The following INTS6L variants were observed in gnomAD, a reference collection of about 807,000 sequenced individuals.
The protein encoded by INTS6L is integrator complex subunit 6 like.
A neutral mutation model predicts 64.7 loss-of-function variants in INTS6L; 18 were observed. The observed-to-expected ratio is 0.28, with a 90% CI of 0.19 to 0.41. The LOEUF is 0.41. Ranked by LOEUF, INTS6L falls within the 10% of genes least tolerant of loss-of-function variation. INTS6L has a pLI of 1.00. For synonymous variants in INTS6L, 227 were observed against 235.9 expected (o/e 0.96, Z 0.34); for missense variants, 533 against 661.0 (o/e 0.81, Z 2.12).
At chrX:135,551,391 C>G (rs1029876484) in intron 7 of INTS6L, among the ~76,000 whole-genome samples, 1 of 112,322 alleles carries the variant, frequency 8.9e-6, no homozygotes, top group Non-Finnish European at 1.9e-5. Context: ...CAAAGCATCC[C>G]CAGCTCCAGC....
chrX:135,550,249 A>G (rs1011971400), intron 7 of INTS6L, among the ~76,000 whole-genome samples: 2 of 112,070 alleles, frequency 1.8e-5, no homozygotes, highest in Non-Finnish European at 3.8e-5. Flanking sequence ...TCAAAATTCT[A>G]CTTCTTCCTA....
chrX:135,577,121 AAG>A, intron 14 of INTS6L, 70 bp from the exon 15 acceptor site: 1 of 978,342 alleles, frequency 1.0e-6, no homozygotes, highest in Non-Finnish European at 1.4e-6. Context: ...TATGCATATT[AAG>A]AGTGCTTGCA....
At chrX:135,556,366 C>A in intron 9 of INTS6L, 66 bp downstream of exon 9, 3 of 951,674 alleles carry the variant, frequency 3.2e-6, no homozygotes, top group Non-Finnish European at 4.1e-6. Context: ...CGATAATAGA[C>A]TAAGCATTTT....
In INTS6L at chrX:135,579,794, C is replaced by CT. The variant is rs1309535845; in HGVS notation, c.2127dup (p.Ile710TyrfsTer7). The CT allele has an allele frequency of 8.5e-7, 1 of 1,180,071 alleles. No individual in the cohort carries two copies. The highest frequency in any genetic ancestry group is 1.1e-6 in the Non-Finnish European group (1 of 879,060). On this transcript the variant is annotated frameshift_variant, in exon 16 of 18. Coordinates refer to ENST00000639893, the MANE Select transcript of INTS6L (RefSeq NM_001351601.3). LOFTEE classifies it high-confidence loss of function. ...CTCTTCATTTGGTTTCCAGATGCTA[C>CT]TATCATTCACGATGGCCATGAGGAG...
intron 2 of INTS6L, among the ~76,000 whole-genome samples, chrX:135,536,241 T>C (rs2086048227): frequency 8.9e-6 from 1 of 112,252 alleles, no homozygotes; most frequent in South Asian, 3.7e-4. Context: ...TTTGGAAAGA[T>C]TCATTGCCAG....
At chrX:135,557,007 T>C (rs1236021983) in intron 9 of INTS6L, among the ~76,000 whole-genome samples, 2 of 112,157 alleles carry the variant, frequency 1.8e-5, no homozygotes, top group African/African-American at 3.2e-5. Context: ...TATGAGACTT[T>C]TAGTGCTATA....
intron 2 of INTS6L, among the ~76,000 whole-genome samples, chrX:135,529,271 A>T (rs2085838532): frequency 8.9e-6 from 1 of 112,154 alleles, no homozygotes; most frequent in Non-Finnish European, 1.9e-5. Context: ...GAAGTGTAGG[A>T]TAAAGGAGAA....
At chrX:135,543,573 A>C (rs1454903405) in intron 2 of INTS6L, among the ~76,000 whole-genome samples, 1 of 111,565 alleles carries the variant, frequency 9.0e-6, no homozygotes, top group Admixed American at 9.5e-5. Flanking sequence ...GAACCCCTCA[A>C]GAGCTAATTC....
At chrX:135,559,953 G>T (rs2086738891) in intron 9 of INTS6L, among the ~76,000 whole-genome samples, 1 of 111,964 alleles carries the variant, frequency 8.9e-6, no homozygotes, top group Non-Finnish European at 1.9e-5. Context: ...ATGTTCTTTG[G>T]TGAACTGACT....
intron 15 of INTS6L, among the ~76,000 whole-genome samples, chrX:135,578,918 C>T (rs2087301386): frequency 9.0e-6 from 1 of 111,451 alleles, no homozygotes; most frequent in Non-Finnish European, 1.9e-5. Context: ...GTCCTCAACT[C>T]TCCTGAGCAC....
intron 2 of INTS6L, among the ~76,000 whole-genome samples, chrX:135,539,805 G>A (rs2086156356): frequency 9.0e-6 from 1 of 111,526 alleles, no homozygotes; most frequent in African/African-American, 3.3e-5. Flanking sequence ...TGAGGAGAGG[G>A]AGAGAGATAG....
intron 6 of INTS6L, among the ~76,000 whole-genome samples, chrX:135,548,667 T>C (rs1389988390): frequency 1.8e-5 from 2 of 110,926 alleles, no homozygotes; most frequent in African/African-American, 6.6e-5. Flanking sequence ...GAGCTCAACT[T>C]TGGGGGGATC....
intron 2 of INTS6L, among the ~76,000 whole-genome samples, chrX:135,532,664 G>A (rs1312032867): frequency 1.8e-5 from 2 of 112,214 alleles, no homozygotes; most frequent in Non-Finnish European, 3.8e-5. Flanking sequence ...TCTGTTAAAT[G>A]AAGGGATTAG....
intron 2 of INTS6L, among the ~76,000 whole-genome samples, chrX:135,545,184 C>T (rs2086322513): frequency 8.9e-6 from 1 of 112,145 alleles, no homozygotes; most frequent in African/African-American, 3.2e-5. Flanking sequence ...GAGCCACAGT[C>T]CTTCAGCCAT....
chrX:135,521,254 A>T lies in INTS6L; in HGVS notation c.125A>T (p.Asp42Val). ...VELFLKLRAR[D>V]PASRGDRYML... ...CTTGCCCCGCAGCTGCGCGCCCGGG[A>T]CCCGGCCAGCCGTGGAGACAGGTAC... The change falls in exon 2 of 18, where the codon GAC becomes GTC. Residue 42 changes from aspartate (D) to valine (V), a missense_variant. Asp to Val is a radical substitution (Grantham distance 152). Coordinates refer to ENST00000639893, the MANE Select transcript of INTS6L (RefSeq NM_001351601.3). 4.1e-6 allele frequency: 5 copies of T among 1,207,295 alleles called. No homozygotes were observed. Among genetic ancestry groups the T allele is most frequent in the Non-Finnish European group, 5.6e-6 (5 of 893,668 alleles).
intron 11 of INTS6L, chrX:135,572,573 C>A: frequency 3.5e-6 from 1 of 289,746 alleles, no homozygotes; most frequent in Non-Finnish European, 6.0e-6. Flanking sequence ...TTATTCTCTC[C>A]ATGATTTTAT....
chrX:135,568,717 ATT>A (rs1216881826), intron 9 of INTS6L, among the ~76,000 whole-genome samples: 2 of 108,770 alleles, frequency 1.8e-5, no homozygotes, highest in Non-Finnish European at 1.9e-5. Flanking sequence ...ATTTTTGTTT[ATT>A]TTTTTTATAG....
At chrX:135,568,215 T>C (rs1465395342) in intron 9 of INTS6L, among the ~76,000 whole-genome samples, 4 of 111,817 alleles carry the variant, frequency 3.6e-5, no homozygotes, top group Non-Finnish European at 5.6e-5. Context: ...TTTTCATGCG[T>C]ATATAAAATG....
At chrX:135,523,862 G>C (rs927994463) in intron 2 of INTS6L, among the ~76,000 whole-genome samples, 1 of 111,767 alleles carries the variant, frequency 8.9e-6, no homozygotes, top group Non-Finnish European at 1.9e-5. Flanking sequence ...AGTTGAGTTT[G>C]ATTTTTTTTC....
Sources: gnomAD v4.1 joint callset for allele counts (sites outside exome capture counted in the v4.1 genomes callset) on GRCh38, gnomAD v4.1.1 for gene constraint, MANE v1.5 for transcripts, NCBI Gene and HGNC (gene_info 2026-07-23, HGNC 2026-07-21) for gene names.